The following HMGB1 variants were observed in gnomAD, a reference collection of about 807,000 sequenced individuals.
The protein encoded by HMGB1 is high mobility group protein B1.
For missense variants in HMGB1, 79 were observed against 253.5 expected, an observed-to-expected ratio of 0.31 and a Z score of 4.67; for synonymous variants, 81 against 84.0, an observed-to-expected ratio of 0.96 and a Z score of 0.19.
rs1316658154 is a variant in HMGB1 at position 30,460,111 on chromosome 13, G to C, written c.*1246C>G. The C allele has an allele frequency of 6.6e-6, 1 of 151,118 alleles. No homozygotes were observed. The highest frequency in any genetic ancestry group is 2.5e-5 in the African/African-American group (1 of 40,414). 9.4% of individuals were successfully genotyped at this position (151,118 alleles called of 1,614,324 possible). The stretch of plus-strand genomic sequence containing the variant: ...TCCTAAGCAGATAAACATGACTAAT[G>C]AATGAGTTTGTTTTGTAAAGAAAAA... On this transcript the variant is annotated 3_prime_UTR_variant, in exon 5 of 5. Transcript: ENST00000341423.
At position 30,459,524 on chromosome 13, in the gene HMGB1, CTGA is replaced by C. The variant is rs1377938300; in HGVS notation, c.*1830_*1832del. 6.6e-6 allele frequency: 1 copy of C among 152,152 alleles called. No individual in the cohort carries two copies. The highest frequency in any genetic ancestry group is 1.5e-5 in the Non-Finnish European group (1 of 68,022). The allele number at this position is 152,152 out of a possible 1,614,324, so 9.4% of individuals were successfully genotyped here. Reference sequence around the variant, plus strand: ...TCATTTGCTCCTCTTAACAAAAAATCTGATGTTCGACACAATTGCAGCCTATCA... The same window carrying C: ...TCATTTGCTCCTCTTAACAAAAAATCTGTTCGACACAATTGCAGCCTATCA... On this transcript the variant is annotated 3_prime_UTR_variant, in exon 5 of 5. Coordinates refer to ENST00000341423, the MANE Select transcript of HMGB1 (RefSeq NM_002128.7).
intron 1 of HMGB1, chr13:30,465,349 G>A (rs1886709526): frequency 7.4e-6 from 1 of 135,422 alleles, no homozygotes. Context: ...CTGCGGCGGC[G>A]GCCAATGCAG....
In HMGB1 at chr13:30,566,930, T is replaced by A. The variant is rs571241709; in HGVS notation, c.-15+49741A>T. The stretch of plus-strand genomic sequence containing the variant: ...CGAAAAGGAATCATGTAGTAACTAA[T>A]GTGGAGGATATCTTGGTTTAGAGAT... On this transcript the variant is annotated intron_variant, in intron 1 of 4. Coordinates refer to the HMGB1 transcript ENST00000405805. 2.0e-5 allele frequency among the ~76,000 whole-genome samples: 3 copies of A among 152,338 alleles called. No homozygotes were observed. The South Asian group carries it at 6.2e-4, about 32-fold the overall frequency.
chr13:30,592,150 A>G (rs990177053), intron 1 of HMGB1, among the ~76,000 whole-genome samples: 1 of 148,470 alleles, frequency 6.7e-6, no homozygotes, highest in Non-Finnish European at 1.5e-5. Context: ...TTGTCAATAT[A>G]GAATAATATC....
At chr13:30,608,567 G>C (rs922904349) in intron 1 of HMGB1, among the ~76,000 whole-genome samples, 2 of 152,162 alleles carry the variant, frequency 1.3e-5, no homozygotes, top group African/African-American at 4.8e-5. Flanking sequence ...GCAAGTTTGG[G>C]AGAAAAAATT....
intron 1 of HMGB1, among the ~76,000 whole-genome samples, chr13:30,489,932 ACCGTGTTGG>A (rs1887446579): frequency 6.9e-6 from 1 of 145,486 alleles, no homozygotes; most frequent in Admixed American, 7.2e-5. Flanking sequence ...ACGGGGTTTC[ACCGTGTTGG>A]CCTCGAACTC....
chr13:30,598,541 A>G (rs1355102280), intron 1 of HMGB1, among the ~76,000 whole-genome samples: 1 of 152,252 alleles, frequency 6.6e-6, no homozygotes, highest in African/African-American at 2.4e-5. Flanking sequence ...AACAACATGG[A>G]AGATAATCCT....
At chr13:30,551,078 T>C (rs1014303424) in intron 1 of HMGB1, among the ~76,000 whole-genome samples, 4 of 152,112 alleles carry the variant, frequency 2.6e-5, no homozygotes, top group African/African-American at 9.7e-5. Context: ...TTCCCCCGAG[T>C]ATCAGCAACT....
upstream of HMGB1, among the ~76,000 whole-genome samples, chr13:30,467,706 A>G (rs766377086): frequency 3.9e-5 from 6 of 152,164 alleles, no homozygotes; most frequent in Non-Finnish European, 7.4e-5. Flanking sequence ...TATCTTCTCA[A>G]TGTCTCATAT....
At chr13:30,558,646 C>A (rs952841637) in intron 1 of HMGB1, among the ~76,000 whole-genome samples, 1 of 152,122 alleles carries the variant, frequency 6.6e-6, no homozygotes, top group Non-Finnish European at 1.5e-5. Context: ...GGCTATGAAA[C>A]CTTCCTTTTT....
At chr13:30,590,061 C>G (rs1871306536) in intron 1 of HMGB1, among the ~76,000 whole-genome samples, 1 of 152,022 alleles carries the variant, frequency 6.6e-6, no homozygotes, top group African/African-American at 2.4e-5. Flanking sequence ...GTTGGTTACT[C>G]AGGCTGGTCT....
intron 1 of HMGB1, among the ~76,000 whole-genome samples, chr13:30,497,150 C>CAGA (rs149180914): frequency 0.044 from 6,730 of 152,218 alleles, 293 homozygotes; most frequent in African/African-American, 0.11. Context: ...CCCTTCAATG[C>CAGA]AGATGTACTT....
chr13:30,575,358 T>C (rs1566029683), intron 1 of HMGB1, among the ~76,000 whole-genome samples: 1 of 152,172 alleles, frequency 6.6e-6, no homozygotes, highest in Admixed American at 6.5e-5. Context: ...ATTAAAATAT[T>C]TGTGAGTCTA....
chr13:30,594,739 A>G (rs1280857327), intron 1 of HMGB1, among the ~76,000 whole-genome samples: 1 of 152,226 alleles, frequency 6.6e-6, no homozygotes, highest in Non-Finnish European at 1.5e-5. Context: ...CTGTGGGTAT[A>G]TACCCAGTAA....
At chr13:30,562,864 G>T (rs1034992245) in intron 1 of HMGB1, among the ~76,000 whole-genome samples, 6 of 152,200 alleles carry the variant, frequency 3.9e-5, no homozygotes, top group Admixed American at 1.3e-4. Flanking sequence ...ATCTGAACTA[G>T]TGTGTTCCCA....
At chr13:30,467,376 A>T (rs985918184), upstream of HMGB1, among the ~76,000 whole-genome samples, 1 of 152,190 alleles carries the variant, frequency 6.6e-6, no homozygotes, top group African/African-American at 2.4e-5. Context: ...TATTTCCTCA[A>T]ATGTATTAAA....
chr13:30,490,920 C>T (rs17074661), intron 1 of HMGB1, among the ~76,000 whole-genome samples: 5,760 of 152,152 alleles, frequency 0.038, 345 homozygotes, highest in African/African-American at 0.13. Context: ...CCCTCTGTCA[C>T]GCATTCCACT....
At chr13:30,549,222 G>T (rs928125911) in intron 1 of HMGB1, among the ~76,000 whole-genome samples, 13 of 152,096 alleles carry the variant, frequency 8.5e-5, no homozygotes, top group African/African-American at 3.1e-4. Context: ...GGTCAAGGGT[G>T]CAGTGAGCCG....
upstream of HMGB1, among the ~76,000 whole-genome samples, chr13:30,468,834 A>G (rs1246275599): frequency 1.3e-5 from 2 of 152,218 alleles, no homozygotes; most frequent in East Asian, 3.8e-4. Flanking sequence ...TTCTTCTTCC[A>G]CATGAATCCT....
Sources: allele counts gnomAD v4.1 joint callset (sites outside exome capture counted in the v4.1 genomes callset), GRCh38; gene constraint gnomAD v4.1.1; transcripts MANE v1.5; gene names NCBI Gene and HGNC (gene_info 2026-07-23, HGNC 2026-07-21).